ATG4C: variants seen among roughly 807,000 people sequenced by gnomAD.
ATG4C encodes the protein cysteine protease ATG4C.
In ATG4C, 56 loss-of-function variants were observed where a neutral mutation model predicts 57.6. The ratio of observed to expected loss-of-function variants is 0.97; its 90% confidence interval spans 0.78 to 1.21. ATG4C has a LOEUF of 1.21. ATG4C is among the 50% of genes most tolerant of loss of function. The pLI, the probability that ATG4C is intolerant of heterozygous loss-of-function variation, is 0.00. For synonymous variants in ATG4C, 157 were observed against 174.1 expected, an observed-to-expected ratio of 0.90 and a Z score of 0.78; for missense variants, 595 against 529.8, an observed-to-expected ratio of 1.12 and a Z score of -1.21.
At chr1:62,847,945 A>G (rs1041180732) in intron 10 of ATG4C, among the ~76,000 whole-genome samples, 12 of 152,312 alleles carry the variant, frequency 7.9e-5, no homozygotes, top group African/African-American at 2.4e-4. Context: ...CAGCATCTCT[A>G]TGGAATAGTT....
chr1:62,797,387 AAG>A (rs1181425058), intron 1 of ATG4C, among the ~76,000 whole-genome samples: 2 of 152,156 alleles, frequency 1.3e-5, no homozygotes, highest in African/African-American at 4.8e-5. Context: ...TCTTCCATCA[AAG>A]AGTTAATAAT....
intron 1 of ATG4C, among the ~76,000 whole-genome samples, chr1:62,798,649 G>T (rs12239043): frequency 0.021 from 3,051 of 143,106 alleles, 104 homozygotes; most frequent in African/African-American, 0.074. Context: ...TTTAATATTT[G>T]TTTTTTTTTT....
chr1:62,856,302 ACT>A (rs765117846), intron 10 of ATG4C, among the ~76,000 whole-genome samples: 23 of 152,154 alleles, frequency 1.5e-4, no homozygotes, highest in Non-Finnish European at 2.5e-4. Context: ...AATGATAGAA[ACT>A]CTGCGTACTT....
At chr1:62,794,939 C>A (rs1333353750) in intron 1 of ATG4C, among the ~76,000 whole-genome samples, 1 of 152,110 alleles carries the variant, frequency 6.6e-6, no homozygotes, top group Admixed American at 6.5e-5. Context: ...AAAATGCAAG[C>A]AGGTAGAAAA....
At position 62,824,671 on chromosome 1, in the gene ATG4C, T is replaced by C. The variant is rs1392216684; in HGVS notation, c.796+3462T>C. ...CTCTTTTCTCTTTCTCTCTCTCTCT[T>C]TTTTTTTTTTTTTTGAGACAGGGTT... On this transcript the variant is annotated intron_variant, in intron 6 of 10. Coordinates refer to ENST00000317868, the MANE Select transcript of ATG4C (RefSeq NM_032852.4). Among the ~76,000 whole-genome samples the C allele has an allele frequency of 1.9e-4, 28 of 144,488 alleles. No individual in the cohort carries two copies. The East Asian group carries it at 3.8e-3, about 20-fold the overall frequency. The allele number at this position is 144,488 out of a possible 152,430, so 94.8% of individuals were successfully genotyped here.
Position 62,819,307 on chromosome 1 carries a change from G to A in ATG4C, c.697G>A (p.Gly233Arg). 2 of 1,597,220 alleles carry A rather than the reference G, an allele frequency of 1.3e-6. No homozygotes were observed. The highest frequency in any genetic ancestry group is 1.7e-6 in the Non-Finnish European group (2 of 1,174,842). ...TGGGAAAAAAGCAGGAGATTGGTAT[G>A]GACCAGCTGTGGTTGCTCACATTTT... is the stretch of plus-strand genomic sequence containing the variant. ...KSGKKAGDWY[G>R]PAVVAHILRK... The change falls in exon 5 of 11, where the codon GGA becomes AGA. Residue 233 changes from glycine to arginine, a missense_variant. Gly to Arg is a moderately radical substitution (Grantham distance 125). Transcript: ENST00000317868.
intron 1 of ATG4C, among the ~76,000 whole-genome samples, chr1:62,799,865 T>C (rs1664598163): frequency 6.7e-6 from 1 of 149,632 alleles, no homozygotes; most frequent in Non-Finnish European, 1.5e-5. Context: ...TCATATTCAT[T>C]CTTTCTATTT....
intron 10 of ATG4C, among the ~76,000 whole-genome samples, chr1:62,844,349 A>G (rs1184585250): frequency 6.6e-6 from 1 of 152,196 alleles, no homozygotes; most frequent in Non-Finnish European, 1.5e-5. Context: ...GGCATATTAA[A>G]TGTGTGACTT....
At chr1:62,817,127 C>T (rs1396981880) in intron 4 of ATG4C, among the ~76,000 whole-genome samples, 2 of 152,002 alleles carry the variant, frequency 1.3e-5, no homozygotes, top group Non-Finnish European at 2.9e-5. Context: ...CTGTTTCTTT[C>T]CTTTTGGTTG....
chr1:62,853,640 T>C (rs1666588482), intron 10 of ATG4C, among the ~76,000 whole-genome samples: 1 of 152,092 alleles, frequency 6.6e-6, no homozygotes, highest in African/African-American at 2.4e-5. Flanking sequence ...GAGACAGGGT[T>C]TCACTATGTT....
At chr1:62,834,896 G>A in intron 9 of ATG4C, 44 bp downstream of exon 9, 6 of 1,502,138 alleles carry the variant, frequency 4.0e-6, no homozygotes, top group Non-Finnish European at 5.5e-6. Flanking sequence ...ACCATATGAA[G>A]TAAACTAATT....
chr1:62,841,496 T>C lies in ATG4C; in HGVS notation c.1158T>C (p.Phe386=). The change falls in exon 10 of 11, where the codon TTT becomes TTC. Residue 386 remains phenylalanine, a synonymous_variant. Coordinates refer to ENST00000317868, the MANE Select transcript of ATG4C (RefSeq NM_032852.4). ...RKMDPSCTIG[F]YCRNVQDFKR... is the part of the protein sequence containing the mutation. ...TGGATCCCAGCTGTACAATAGGATT[T>C]TACTGTCGAAATGTTCAGGACTTCA... 6.2e-7 allele frequency: 1 copy of C among 1,607,102 alleles called. No individual in the cohort carries two copies. The highest frequency in any genetic ancestry group is 8.5e-7 in the Non-Finnish European group (1 of 1,176,144).
Position 62,813,860 on chromosome 1 carries a change from G to T in ATG4C, c.161-2715G>T, listed in dbSNP as rs1039625234. Among the ~76,000 whole-genome samples the T allele has an allele frequency of 2.0e-5, 3 of 152,166 alleles. No individual in the cohort carries two copies. In the East Asian group the frequency reaches 5.8e-4, roughly 29 times the overall value. On this transcript the variant is annotated intron_variant, in intron 3 of 10. Transcript: ENST00000317868. ...ATATGGAAAAAGCTCATTATCACTG[G>T]TCATTAGAGAAATGCAATCAAAACC...
chr1:62,853,731 C>G (rs558451725), intron 10 of ATG4C, among the ~76,000 whole-genome samples: 2 of 152,218 alleles, frequency 1.3e-5, no homozygotes, highest in Non-Finnish European at 2.9e-5. Context: ...CAGGCATGAG[C>G]CACTGTACCC....
intron 1 of ATG4C, among the ~76,000 whole-genome samples, chr1:62,797,028 A>C (rs956816896): frequency 2.0e-5 from 3 of 152,096 alleles, no homozygotes; most frequent in Admixed American, 6.5e-5. Flanking sequence ...GAATTGCTTG[A>C]AACTGGGAGG....
intron 9 of ATG4C, chr1:62,835,468 GT>G: frequency 3.7e-6 from 1 of 269,282 alleles, no homozygotes; most frequent in South Asian, 3.7e-5. Flanking sequence ...GGTTTTGATT[GT>G]TTTCCCAGTT....
chr1:62,829,326 T>C, intron 7 of ATG4C, 150 bp downstream of exon 7: 3 of 925,580 alleles, frequency 3.2e-6, no homozygotes, highest in Non-Finnish European at 4.8e-6. Flanking sequence ...ATTTTAAATT[T>C]TGGTATTATA....
chr1:62,858,741 T>C (rs1666760935), intron 10 of ATG4C, among the ~76,000 whole-genome samples: 1 of 152,190 alleles, frequency 6.6e-6, no homozygotes, highest in Non-Finnish European at 1.5e-5. Flanking sequence ...ATAACAGGCC[T>C]TTTTATTTGA....
intron 10 of ATG4C, 132 bp from the exon 11 acceptor site, chr1:62,863,860 G>T: frequency 1.7e-6 from 1 of 593,306 alleles, no homozygotes; most frequent in Non-Finnish European, 2.9e-6. Flanking sequence ...ACAGGCAAAG[G>T]AGTAGCACTG....
Sources: allele counts gnomAD v4.1 joint callset (sites outside exome capture counted in the v4.1 genomes callset), GRCh38; gene constraint gnomAD v4.1.1; transcripts MANE v1.5; gene names NCBI Gene and HGNC (gene_info 2026-07-23, HGNC 2026-07-21).